Variants in HMOX2 observed in about 807,000 individuals in gnomAD.
HMOX2 encodes the protein heme oxygenase 2, also known as heme oxygenase (decycling) 2.
In HMOX2, 30 loss-of-function variants were observed where a neutral mutation model predicts 33.7. The observed-to-expected ratio is 0.89, with a 90% CI of 0.67 to 1.21. The LOEUF is 1.21. Ranked by LOEUF, HMOX2 falls within the 50% of genes most tolerant of loss-of-function variation. The probability of loss-of-function intolerance (pLI) is 0.00; values close to 1 mark genes in which losing one functional copy is unlikely to be tolerated. For synonymous variants in HMOX2, 155 were observed against 155.0 expected (o/e 1.00, Z 0.00); for missense variants, 403 against 399.1 (o/e 1.01, Z -0.08).
rs1181546225 is a variant in HMOX2, at chr16:4,507,804, T to A, written c.296T>A (p.Phe99Tyr). 1 of 1,614,134 alleles carries A rather than the reference T, an allele frequency of 6.2e-7. No homozygotes were observed. The highest frequency in any genetic ancestry group is 1.3e-5 in the African/African-American group (1 of 75,030). ...CATCCAGCCTTTGCCCCTTTGTACTTCCCCATGGAGCTGCACCGGAAGGAG... is the reference window on the plus strand; with the variant it reads ...CATCCAGCCTTTGCCCCTTTGTACTACCCCATGGAGCTGCACCGGAAGGAG... ...KDHPAFAPLY[F>Y]PMELHRKEAL... Residue 99 changes from phenylalanine (F) to tyrosine (Y), a missense_variant, in exon 4 of 6, where the codon TTC (phenylalanine) becomes TAC (tyrosine). Transcript: ENST00000570646.
chr16:4,501,930 T>C (rs978458746), intron 1 of HMOX2, among the ~76,000 whole-genome samples: 1 of 152,168 alleles, frequency 6.6e-6, no homozygotes, highest in Non-Finnish European at 1.5e-5. Flanking sequence ...CCCCCAGGTC[T>C]GTACAGATGG....
At chr16:4,500,290 C>T (rs1407459393) in intron 1 of HMOX2, among the ~76,000 whole-genome samples, 1 of 152,202 alleles carries the variant, frequency 6.6e-6, no homozygotes, top group Non-Finnish European at 1.5e-5. Context: ...TGATGCCCAA[C>T]TGCAAGGTGT....
At chr16:4,485,473 C>G (rs1017920459) in intron 1 of HMOX2, among the ~76,000 whole-genome samples, 1 of 152,054 alleles carries the variant, frequency 6.6e-6, no homozygotes, top group African/African-American at 2.4e-5. Context: ...AGTAAAATCA[C>G]TTTGTAAGGT....
rs369822617 is a variant in HMOX2, at chr16:4,509,790, C to G, written c.*34C>G. 6.3e-7 allele frequency: 1 copy of G among 1,595,234 alleles called. No homozygotes were observed. Among genetic ancestry groups the G allele is most frequent in the South Asian group, 1.1e-5 (1 of 89,884 alleles). On this transcript the variant is annotated 3_prime_UTR_variant, in exon 6 of 6. Transcript: ENST00000570646. The stretch of plus-strand genomic sequence containing the variant: ...TCATGCCACACCGGTACCCTCCTCC[C>G]GACTGACCACTGGCCTACCCCTTTC...
At chr16:4,481,197 A>T (rs2058020554) in intron 1 of HMOX2, among the ~76,000 whole-genome samples, 1 of 151,728 alleles carries the variant, frequency 6.6e-6, no homozygotes, top group South Asian at 2.1e-4. Flanking sequence ...AATACAAAAA[A>T]AATTAGCCGG....
At chr16:4,481,163 G>A (rs2058019036) in intron 1 of HMOX2, among the ~76,000 whole-genome samples, 1 of 151,064 alleles carries the variant, frequency 6.6e-6, no homozygotes, top group African/African-American at 2.4e-5. Flanking sequence ...TGGCTAACAC[G>A]GTGAAACCCC....
At chr16:4,489,478 G>T (rs2058255750) in intron 1 of HMOX2, among the ~76,000 whole-genome samples, 1 of 151,988 alleles carries the variant, frequency 6.6e-6, no homozygotes, top group Non-Finnish European at 1.5e-5. Context: ...AAAATTTTTT[G>T]AAACAGAGTC....
At chr16:4,506,715 T>A (rs2058702099) in intron 2 of HMOX2, among the ~76,000 whole-genome samples, 180 bp from the exon 3 acceptor site, 1 of 152,234 alleles carries the variant, frequency 6.6e-6, no homozygotes, top group Non-Finnish European at 1.5e-5. Flanking sequence ...TCATGTCTGC[T>A]TGTCCTGTGT....
intron 1 of HMOX2, among the ~76,000 whole-genome samples, chr16:4,488,078 G>A (rs55733150): frequency 2.7e-5 from 4 of 148,306 alleles, no homozygotes; most frequent in Non-Finnish European, 3.0e-5. Flanking sequence ...AGCTCAGACC[G>A]TGCCATTGCA....
rs17884959 is a variant in HMOX2 at position 4,494,589 on chromosome 16, T to G, written c.-41-10895T>G. On this transcript the variant is annotated intron_variant, in intron 1 of 5. Coordinates refer to ENST00000570646, the MANE Select transcript of HMOX2 (RefSeq NM_002134.4). ...GATGAATGCTTTGCCTTTAAAAAAA[T>G]AAGTTTGGGTGGGGTGCAGTGGCTC... 1.0e-3 allele frequency among the ~76,000 whole-genome samples: 157 copies of G among 152,150 alleles called. 1 individual carries two copies. Among genetic ancestry groups the G allele is most frequent in the Middle Eastern group, 6.8e-3 (2 of 294 alleles).
chr16:4,485,059 G>A (rs1281368476), intron 1 of HMOX2, among the ~76,000 whole-genome samples: 1 of 151,860 alleles, frequency 6.6e-6, no homozygotes, highest in South Asian at 2.1e-4. Flanking sequence ...TCCACCTCCT[G>A]GGTTCAAGCG....
chr16:4,477,684 C>A, intron 1 of HMOX2, among the ~76,000 whole-genome samples: 1 of 151,548 alleles, frequency 6.6e-6, no homozygotes. Context: ...TTTGGGAGGC[C>A]GAGGCAGGCG....
chr16:4,497,892 C>G (rs913240247), intron 1 of HMOX2, among the ~76,000 whole-genome samples: 2 of 152,072 alleles, frequency 1.3e-5, no homozygotes, highest in Admixed American at 6.6e-5. Context: ...GCTACCACAA[C>G]CGGTCTCTTG....
intron 1 of HMOX2, among the ~76,000 whole-genome samples, chr16:4,489,504 G>C (rs1294457686): frequency 6.6e-6 from 1 of 152,068 alleles, no homozygotes; most frequent in Non-Finnish European, 1.5e-5. Context: ...GTGTCACATA[G>C]GCTGGAGTGC....
chr16:4,505,648 C>T (rs755772824), intron 2 of HMOX2, 38 bp downstream of exon 2: 1 of 1,397,702 alleles, frequency 7.2e-7, no homozygotes, highest in Non-Finnish European at 1.0e-6. Flanking sequence ...ATCAGGTGGG[C>T]CCAGCACCTG....
At chr16:4,483,998 G>C (rs550121393) in intron 1 of HMOX2, among the ~76,000 whole-genome samples, 4 of 114,972 alleles carry the variant, frequency 3.5e-5, no homozygotes, top group South Asian at 2.5e-4. Context: ...TTTTTGAGAC[G>C]GAGTCTTGCT....
chr16:4,492,249 G>A (rs1292394390), intron 1 of HMOX2, among the ~76,000 whole-genome samples: 2 of 151,842 alleles, frequency 1.3e-5, no homozygotes, highest in African/African-American at 2.4e-5. Context: ...TGGGAGGATC[G>A]CCTGATCCCA....
At chr16:4,495,954 C>T (rs994994774) in intron 1 of HMOX2, 6 of 152,092 alleles carry the variant, frequency 3.9e-5, no homozygotes, top group African/African-American at 1.4e-4. Flanking sequence ...CTTGGCCTGC[C>T]CTGTTAGTCA....
intron 1 of HMOX2, among the ~76,000 whole-genome samples, chr16:4,480,557 C>G (rs2057996848): frequency 6.6e-6 from 1 of 151,870 alleles, no homozygotes; most frequent in Non-Finnish European, 1.5e-5. Context: ...GCTGGCCAGG[C>G]TGGTCTCAAA....
Sources: gnomAD v4.1 joint callset for allele counts (sites outside exome capture counted in the v4.1 genomes callset) on GRCh38, gnomAD v4.1.1 for gene constraint, MANE v1.5 for transcripts, NCBI Gene and HGNC (gene_info 2026-07-23, HGNC 2026-07-21) for gene names.